The following PTGR1 variants were observed in gnomAD, a reference collection of about 807,000 sequenced individuals.
The protein encoded by PTGR1 is prostaglandin reductase 1, also known as 15-oxoprostaglandin 13-reductase.
In PTGR1, 23 loss-of-function variants were observed where a neutral mutation model predicts 37.7. The observed-to-expected ratio is 0.61, with a 90% CI of 0.44 to 0.86. PTGR1 has a LOEUF of 0.86. Among genes scored for constraint, PTGR1 ranks in the 40% least tolerant of loss-of-function variants. PTGR1 has a pLI of 0.00. For missense variants in PTGR1, 351 were observed against 394.3 expected, an observed-to-expected ratio of 0.89 and a Z score of 0.93; for synonymous variants, 134 against 140.0, an observed-to-expected ratio of 0.96 and a Z score of 0.30.
At chr9:111,560,964 T>G (rs1589288684), downstream of PTGR1, among the ~76,000 whole-genome samples, 2 of 48,506 alleles carry the variant, frequency 4.1e-5, 1 homozygote. Context: ...TATATATATA[T>G]ATATATATAT....
At chr9:111,597,697 G>T (rs1237096979) in intron 1 of PTGR1, among the ~76,000 whole-genome samples, 2 of 152,140 alleles carry the variant, frequency 1.3e-5, no homozygotes, top group Non-Finnish European at 2.9e-5. Flanking sequence ...AGGAAACTGA[G>T]GTTTAAAGAA....
At chr9:111,558,711 C>T (rs1397744698), downstream of PTGR1, among the ~76,000 whole-genome samples, 1 of 152,140 alleles carries the variant, frequency 6.6e-6, no homozygotes, top group African/African-American at 2.4e-5. Flanking sequence ...TGTGCACACA[C>T]ACTCATTTAT....
downstream of PTGR1, among the ~76,000 whole-genome samples, chr9:111,562,419 G>C (rs1281000868): frequency 6.6e-6 from 1 of 151,922 alleles, no homozygotes; most frequent in East Asian, 1.9e-4. Context: ...GGGATTACAG[G>C]CATGTGCCAC....
intron 9 of PTGR1, among the ~76,000 whole-genome samples, chr9:111,552,599 A>G (rs1284515449): frequency 1.3e-5 from 2 of 152,168 alleles, no homozygotes; most frequent in Non-Finnish European, 2.9e-5. Flanking sequence ...AATATCTGCC[A>G]TGAGTTTGAG....
intron 9 of PTGR1, among the ~76,000 whole-genome samples, chr9:111,554,439 C>G (rs1000088513): frequency 3.9e-5 from 6 of 152,212 alleles, no homozygotes; most frequent in African/African-American, 1.4e-4. Context: ...TCTGTTCTTT[C>G]GGTCACCAAA....
At chr9:111,579,847 G>A (rs1429737995) in intron 6 of PTGR1, among the ~76,000 whole-genome samples, 1 of 152,198 alleles carries the variant, frequency 6.6e-6, no homozygotes, top group Non-Finnish European at 1.5e-5. Flanking sequence ...GCACTTTCAG[G>A]ATGACACTAC....
intron 4 of PTGR1, among the ~76,000 whole-genome samples, chr9:111,590,124 T>C (rs1456671302): frequency 6.6e-6 from 1 of 152,154 alleles, no homozygotes; most frequent in Non-Finnish European, 1.5e-5. Context: ...GAGAAGCTTT[T>C]ACAAATCAAT....
chr9:111,571,319 G>A (rs976940034), intron 8 of PTGR1, among the ~76,000 whole-genome samples: 4 of 149,684 alleles, frequency 2.7e-5, no homozygotes, highest in African/African-American at 7.3e-5. Flanking sequence ...GGCTGAGGCA[G>A]GAGAATCGCT....
At chr9:111,562,289 T>A (rs2132312533), downstream of PTGR1, among the ~76,000 whole-genome samples, 1 of 151,882 alleles carries the variant, frequency 6.6e-6, no homozygotes, top group East Asian at 1.9e-4. Flanking sequence ...TTTTTTTTTT[T>A]TTTTGAGATA....
intron 9 of PTGR1, among the ~76,000 whole-genome samples, chr9:111,566,204 AAAAT>A (rs370786202): frequency 6.6e-6 from 1 of 151,970 alleles, no homozygotes; most frequent in Non-Finnish European, 1.5e-5. Flanking sequence ...CTCCATGTCA[AAAAT>A]AAATAAATAA....
At chr9:111,592,634 G>A (rs1400809499) in intron 4 of PTGR1, 4 of 275,816 alleles carry the variant, frequency 1.5e-5, no homozygotes, top group Non-Finnish European at 2.7e-5. Flanking sequence ...TTGCATTGTG[G>A]GCTGCTGGCC....
chr9:111,591,438 C>T (rs187585764), intron 4 of PTGR1, among the ~76,000 whole-genome samples: 116 of 135,632 alleles, frequency 8.6e-4, no homozygotes, highest in Non-Finnish European at 1.5e-3. Context: ...GTGGTGCAAT[C>T]GGCTCACTGC....
At chr9:111,561,146 A>AGAG (rs1828299526), downstream of PTGR1, among the ~76,000 whole-genome samples, 1 of 44,370 alleles carries the variant, frequency 2.3e-5, no homozygotes. Flanking sequence ...GAGGAGAGAG[A>AGAG]GGGAGAGAGA....
intron 8 of PTGR1, among the ~76,000 whole-genome samples, chr9:111,571,509 GCT>G (rs1828818678): frequency 6.7e-6 from 1 of 149,190 alleles, no homozygotes; most frequent in South Asian, 2.2e-4. Context: ...ACAGGGTCTG[GCT>G]CTGTTTCCCC....
At chr9:111,572,777 A>AG (rs1462809093) in intron 8 of PTGR1, among the ~76,000 whole-genome samples, 3 of 150,374 alleles carry the variant, frequency 2.0e-5, no homozygotes, top group African/African-American at 7.3e-5. Flanking sequence ...AAAAAAAAAA[A>AG]AAATTAAAAA....
chr9:111,594,439 G>A (rs1238211490), intron 2 of PTGR1, among the ~76,000 whole-genome samples, 172 bp from the exon 3 acceptor site: 1 of 150,954 alleles, frequency 6.6e-6, no homozygotes, highest in Non-Finnish European at 1.5e-5. Flanking sequence ...CCAAACCTCA[G>A]CCACATGCAA....
At chr9:111,594,339 C>A (rs886860091) in intron 2 of PTGR1, 72 bp from the exon 3 acceptor site, 1 of 1,363,706 alleles carries the variant, frequency 7.3e-7, no homozygotes, top group Non-Finnish European at 1.0e-6. Flanking sequence ...CTGAGCACCA[C>A]TAGACAGGAG....
At chr9:111,561,110 T>TATATATAGAGAGAGAG (rs1457364862), downstream of PTGR1, among the ~76,000 whole-genome samples, 3 of 19,192 alleles carry the variant, frequency 1.6e-4, no homozygotes, top group African/African-American at 7.9e-4. Flanking sequence ...TATATATATA[T>TATATATAGAGAGAGAG]AGAGAGAGAG....
intron 5 of PTGR1, among the ~76,000 whole-genome samples, chr9:111,585,417 T>C (rs1057021838): frequency 2.6e-5 from 4 of 152,070 alleles, no homozygotes; most frequent in African/African-American, 7.2e-5. Context: ...CTCTCACCCA[T>C]AGAGGGTACA....
Sources: allele counts gnomAD v4.1 joint callset (sites outside exome capture counted in the v4.1 genomes callset), GRCh38; gene constraint gnomAD v4.1.1; transcripts MANE v1.5; gene names NCBI Gene and HGNC (gene_info 2026-07-23, HGNC 2026-07-21).